Variants in KIAA1328 observed in about 807,000 individuals in gnomAD.
KIAA1328 encodes the protein protein hinderin.
KIAA1328 carries 52 observed loss-of-function variants against 68.1 expected under a neutral mutation model. The observed-to-expected ratio is 0.76, with a 90% CI of 0.61 to 0.96. The LOEUF (loss-of-function observed/expected upper bound fraction) is 0.96. Among genes scored for constraint, KIAA1328 ranks in the 40% least tolerant of loss-of-function variants. KIAA1328 has a pLI of 0.00. For synonymous variants in KIAA1328, 232 were observed against 239.4 expected, an observed-to-expected ratio of 0.97 and a Z score of 0.28; for missense variants, 641 against 677.6, an observed-to-expected ratio of 0.95 and a Z score of 0.60.
chr18:36,941,931 AAAG>A (rs2050728262), intron 5 of KIAA1328, among the ~76,000 whole-genome samples: 1 of 152,208 alleles, frequency 6.6e-6, no homozygotes, highest in Non-Finnish European at 1.5e-5. Context: ...TTAAGAAAAA[AAAG>A]AACCTAATAA....
chr18:36,841,492 T>TG (rs371776095), intron 3 of KIAA1328, among the ~76,000 whole-genome samples: 1 of 152,110 alleles, frequency 6.6e-6, no homozygotes, highest in East Asian at 2.0e-4. Context: ...GTAAGTCAAG[T>TG]GACTGTAGAT....
At chr18:37,121,436 A>ATCTATCTG (rs1332229015) in intron 7 of KIAA1328, among the ~76,000 whole-genome samples, 29 of 151,864 alleles carry the variant, frequency 1.9e-4, no homozygotes, top group Admixed American at 5.9e-4. Flanking sequence ...CTATCTATCT[A>ATCTATCTG]TCTATCTATC....
chr18:37,075,865 C>A (rs1047217246), intron 7 of KIAA1328, among the ~76,000 whole-genome samples: 4 of 152,200 alleles, frequency 2.6e-5, no homozygotes, highest in Non-Finnish European at 1.5e-5. Flanking sequence ...GAGACTTAGA[C>A]TCCCACAGAA....
intron 1 of KIAA1328, chr18:36,833,504 C>G (rs2046568209): frequency 2.0e-5 from 3 of 152,140 alleles, no homozygotes; most frequent in Non-Finnish European, 2.9e-5. Context: ...TTGAGCATTG[C>G]AGGCTGTTGT....
chr18:37,204,328 TTATTTACCAAAGATTACTAAGTCACG>T (rs993891977), intron 9 of KIAA1328, among the ~76,000 whole-genome samples: 1 of 152,232 alleles, frequency 6.6e-6, no homozygotes, highest in African/African-American at 2.4e-5. Context: ...TAAACTAGTT[TTATTTACCAAAGATTACTAAGTCACG>T]TGAACTTGAA....
chr18:36,878,087 G>A (rs1237931335), intron 4 of KIAA1328, among the ~76,000 whole-genome samples: 1 of 152,170 alleles, frequency 6.6e-6, no homozygotes, highest in Non-Finnish European at 1.5e-5. Context: ...CGTTGATGCA[G>A]TTTCTTCATA....
At chr18:36,874,052 G>A (rs1400042200) in intron 4 of KIAA1328, among the ~76,000 whole-genome samples, 1 of 152,172 alleles carries the variant, frequency 6.6e-6, no homozygotes, top group Admixed American at 6.5e-5. Context: ...ATTCCATTGT[G>A]TATATGTGCC....
intron 6 of KIAA1328, among the ~76,000 whole-genome samples, chr18:37,053,902 A>G (rs1568342168): frequency 1.3e-5 from 2 of 152,030 alleles, no homozygotes; most frequent in Non-Finnish European, 2.9e-5. Context: ...GAATTTGCAA[A>G]GTATGCATCT....
intron 9 of KIAA1328, among the ~76,000 whole-genome samples, chr18:37,200,635 C>A (rs999285294): frequency 6.6e-6 from 1 of 151,626 alleles, no homozygotes; most frequent in Non-Finnish European, 1.5e-5. Context: ...CAAGGTGAAA[C>A]CCCGTCTCTA....
chr18:37,170,746 C>T (rs2059484432), intron 8 of KIAA1328, among the ~76,000 whole-genome samples: 1 of 152,212 alleles, frequency 6.6e-6, no homozygotes, highest in African/African-American at 2.4e-5. Context: ...CTAGCTCCAT[C>T]ACTTATAGCT....
At chr18:37,000,293 G>T (rs886211930) in intron 6 of KIAA1328, among the ~76,000 whole-genome samples, 1 of 152,122 alleles carries the variant, frequency 6.6e-6, no homozygotes, top group Admixed American at 6.5e-5. Context: ...AAGGATCAAT[G>T]CAGCAAGAGG....
chr18:37,028,796 AGTTCTGTTTATG>A (rs1411077435), intron 6 of KIAA1328, among the ~76,000 whole-genome samples: 1 of 151,934 alleles, frequency 6.6e-6, no homozygotes, highest in Non-Finnish European at 1.5e-5. Flanking sequence ...TTTTGGTTTT[AGTTCTGTTTATG>A]TGATGAATCG....
intron 6 of KIAA1328, among the ~76,000 whole-genome samples, chr18:37,043,456 G>T (rs1251896081): frequency 6.6e-6 from 1 of 152,160 alleles, no homozygotes; most frequent in East Asian, 1.9e-4. Flanking sequence ...GCATTCTGTA[G>T]GGTTTGTCTC....
chr18:37,033,625 A>G (rs2054916916), intron 6 of KIAA1328, among the ~76,000 whole-genome samples: 1 of 152,160 alleles, frequency 6.6e-6, no homozygotes, highest in Non-Finnish European at 1.5e-5. Flanking sequence ...ACAATTTTCT[A>G]AACAGTTTGA....
intron 6 of KIAA1328, among the ~76,000 whole-genome samples, chr18:36,972,867 C>G (rs2052287077): frequency 6.6e-6 from 1 of 152,148 alleles, no homozygotes. Flanking sequence ...TACAGAGGAA[C>G]ACACATTGAG....
At chr18:37,059,441 C>A (rs9748808) in intron 6 of KIAA1328, among the ~76,000 whole-genome samples, 16,654 of 152,134 alleles carry the variant, frequency 0.11, 3,058 homozygotes, top group African/African-American at 0.38. Context: ...AGAAAAAAAG[C>A]TCATCATTAC....
At chr18:36,937,945 T>C (rs2050567107) in intron 5 of KIAA1328, among the ~76,000 whole-genome samples, 1 of 152,170 alleles carries the variant, frequency 6.6e-6, no homozygotes, top group Non-Finnish European at 1.5e-5. Flanking sequence ...AGAATTTCAT[T>C]CTTTTTTATG....
At chr18:37,135,070 A>G (rs2058613044) in intron 7 of KIAA1328, among the ~76,000 whole-genome samples, 1 of 152,168 alleles carries the variant, frequency 6.6e-6, no homozygotes, top group Admixed American at 6.5e-5. Flanking sequence ...CATAGTGTAT[A>G]CTTGCCATAT....
At chr18:36,966,939 C>T (rs1436134238) in intron 6 of KIAA1328, among the ~76,000 whole-genome samples, 2 of 152,198 alleles carry the variant, frequency 1.3e-5, no homozygotes, top group Non-Finnish European at 2.9e-5. Context: ...TATGGAAGTG[C>T]AAAGGAGTGA....
Sources: gnomAD v4.1 joint callset for allele counts (sites outside exome capture counted in the v4.1 genomes callset) on GRCh38, gnomAD v4.1.1 for gene constraint, MANE v1.5 for transcripts, NCBI Gene and HGNC (gene_info 2026-07-23, HGNC 2026-07-21) for gene names.